ENOX1: variants seen among roughly 807,000 people sequenced by gnomAD.
ENOX1 encodes candidate growth-related and time keeping constitutive hydroquinone (NADH) oxidase.
In ENOX1, 42 loss-of-function variants were observed where a neutral mutation model predicts 82.5. The ratio of observed to expected loss-of-function variants is 0.51; its 90% CI spans 0.40 to 0.66. The LOEUF is 0.66. ENOX1 is among the 30% of genes least tolerant of loss of function. The pLI, the probability that ENOX1 is intolerant of heterozygous loss-of-function variation, is 0.00. For synonymous variants in ENOX1, 271 were observed against 282.2 expected (o/e 0.96, Z 0.40); for missense variants, 608 against 811.6 (o/e 0.75, Z 3.05).
intron 11 of ENOX1, among the ~76,000 whole-genome samples, chr13:43,311,241 A>G (rs2047183639): frequency 6.6e-6 from 1 of 152,050 alleles, no homozygotes; most frequent in African/African-American, 2.4e-5. Context: ...AGAGAAAGAG[A>G]AGGGGCTCTG....
intron 1 of ENOX1, among the ~76,000 whole-genome samples, chr13:43,722,069 T>C (rs1176029510): frequency 6.6e-6 from 1 of 152,214 alleles, no homozygotes; most frequent in African/African-American, 2.4e-5. Context: ...GTTCAAATTA[T>C]TTCATCAGCT....
intron 10 of ENOX1, 33 bp downstream of exon 10, chr13:43,326,386 T>C: frequency 1.3e-6 from 2 of 1,572,618 alleles, no homozygotes; most frequent in Non-Finnish European, 1.8e-6. Context: ...AGCTGTGTGA[T>C]GGTGGTTAAA....
In ENOX1 at chr13:43,214,130, A is replaced by G. The variant is rs1421819831; in HGVS notation, c.1801-9T>C. ...ATTTCATTTGCAGATATCTGTTAGAAAGGAAGGAAAGTCACTTTGGGGAAA... is the reference window on the plus strand; with the variant it reads ...ATTTCATTTGCAGATATCTGTTAGAGAGGAAGGAAAGTCACTTTGGGGAAA... On this transcript the variant is annotated splice_polypyrimidine_tract_variant and intron_variant, in intron 16 of 16. Transcript: ENST00000690772. 1.2e-6 allele frequency: 2 copies of G among 1,611,378 alleles called. No homozygotes were observed. The highest frequency in any genetic ancestry group is 1.1e-5 in the South Asian group (1 of 90,540).
At chr13:43,273,031 T>C (rs924443560) in intron 12 of ENOX1, among the ~76,000 whole-genome samples, 1 of 152,116 alleles carries the variant, frequency 6.6e-6, no homozygotes, top group Non-Finnish European at 1.5e-5. Context: ...TAACTACACA[T>C]CACATGTGCT....
At chr13:43,512,838 G>A (rs973373033) in intron 2 of ENOX1, among the ~76,000 whole-genome samples, 1 of 152,072 alleles carries the variant, frequency 6.6e-6, no homozygotes, top group Non-Finnish European at 1.5e-5. Context: ...GTCAGCATCT[G>A]TGCTTTTTTA....
At chr13:43,456,027 T>C (rs2057211094) in intron 3 of ENOX1, among the ~76,000 whole-genome samples, 1 of 152,200 alleles carries the variant, frequency 6.6e-6, no homozygotes, top group African/African-American at 2.4e-5. Context: ...AAAGTTTGAC[T>C]TCTATACCTC....
intron 8 of ENOX1, among the ~76,000 whole-genome samples, chr13:43,351,412 T>C (rs946279779): frequency 1.3e-5 from 2 of 149,358 alleles, no homozygotes; most frequent in Non-Finnish European, 3.0e-5. Flanking sequence ...TATTTATTTA[T>C]TTTATTTATT....
intron 15 of ENOX1, among the ~76,000 whole-genome samples, chr13:43,229,263 T>C (rs573110093): frequency 6.6e-6 from 1 of 152,336 alleles, no homozygotes; most frequent in Admixed American, 6.5e-5. Context: ...CACCCAGTTT[T>C]GGATATGTCT....
intron 2 of ENOX1, among the ~76,000 whole-genome samples, chr13:43,512,085 A>G (rs774570002): frequency 3.0e-4 from 46 of 152,274 alleles, no homozygotes; most frequent in South Asian, 6.2e-4. Context: ...TAATATACAT[A>G]CATATACATG....
In ENOX1 at chr13:43,510,880, A is replaced by C. The variant is rs189657498; in HGVS notation, c.-218-26728T>G. On this transcript the variant is annotated intron_variant, in intron 2 of 16. Transcript: ENST00000690772. Reference sequence around the variant, plus strand: ...ACTCATTGAAAACGGGCTGGTACAAAGTAAGCATTAAGTACGGCTGCTAGT... The same window carrying C: ...ACTCATTGAAAACGGGCTGGTACAACGTAAGCATTAAGTACGGCTGCTAGT... Among the ~76,000 whole-genome samples, 11 of 152,292 alleles carry C rather than the reference A, an allele frequency of 7.2e-5. No homozygotes were observed. In the East Asian group the frequency reaches 1.9e-3, roughly 27 times the overall value.
rs150167582 is a variant in ENOX1, at chr13:43,337,436, C to T, written c.1036+7102G>A. ...TAAGTCCTCAAGTAGATAGTATTAA[C>T]AAGCGCTGCAGAAGGTAGGTGAAAG... On this transcript the variant is annotated intron_variant, in intron 9 of 16. Transcript: ENST00000690772. Among the ~76,000 whole-genome samples the T allele has an allele frequency of 1.4e-3, 207 of 152,236 alleles. 4 individuals carry two copies. In the East Asian group the frequency reaches 0.024, roughly 18 times the overall value.
At chr13:43,648,991 G>C (rs1254329355) in intron 2 of ENOX1, among the ~76,000 whole-genome samples, 1 of 152,182 alleles carries the variant, frequency 6.6e-6, no homozygotes, top group Non-Finnish European at 1.5e-5. Flanking sequence ...CAGTGCTAGA[G>C]CCTACGCAGA....
chr13:43,552,105 A>C (rs1250347121), intron 2 of ENOX1, among the ~76,000 whole-genome samples: 1 of 152,194 alleles, frequency 6.6e-6, no homozygotes, highest in East Asian at 1.9e-4. Context: ...ATCTCTTACC[A>C]ACCCTCTTTG....
chr13:43,324,174 T>C (rs1037154465), intron 10 of ENOX1, among the ~76,000 whole-genome samples: 19 of 152,344 alleles, frequency 1.2e-4, no homozygotes, highest in African/African-American at 4.1e-4. Context: ...TGTGGACAGC[T>C]AATTTTTCTA....
At chr13:43,386,416 T>C (rs2052414692) in intron 5 of ENOX1, among the ~76,000 whole-genome samples, 2 of 152,158 alleles carry the variant, frequency 1.3e-5, no homozygotes, top group South Asian at 2.1e-4. Context: ...GATTTTTAGG[T>C]CTAAAAAGTC....
chr13:43,267,832 T>A (rs1299804271), intron 13 of ENOX1, among the ~76,000 whole-genome samples: 2 of 152,240 alleles, frequency 1.3e-5, no homozygotes, highest in Non-Finnish European at 2.9e-5. Flanking sequence ...TCTTGGTATC[T>A]GTGCTTGTAA....
intron 8 of ENOX1, among the ~76,000 whole-genome samples, chr13:43,354,945 T>G (rs1300164423): frequency 6.6e-6 from 1 of 152,238 alleles, no homozygotes; most frequent in Non-Finnish European, 1.5e-5. Flanking sequence ...CAACATTATT[T>G]GCACTGGCCC....
intron 3 of ENOX1, among the ~76,000 whole-genome samples, chr13:43,428,101 C>T (rs1339087475): frequency 6.6e-6 from 1 of 152,162 alleles, no homozygotes; most frequent in Non-Finnish European, 1.5e-5. Context: ...TTACCCCAGT[C>T]AGCCTTCTCA....
At chr13:43,326,952 T>A (rs988446734) in intron 9 of ENOX1, among the ~76,000 whole-genome samples, 1 of 152,178 alleles carries the variant, frequency 6.6e-6, no homozygotes, top group Non-Finnish European at 1.5e-5. Flanking sequence ...GCCAAACATA[T>A]CATTTTCTCT....
Sources: allele counts gnomAD v4.1 joint callset (sites outside exome capture counted in the v4.1 genomes callset), GRCh38; gene constraint gnomAD v4.1.1; transcripts MANE v1.5; gene names NCBI Gene and HGNC (gene_info 2026-07-23, HGNC 2026-07-21).